FOXK1: variants seen among roughly 807,000 people sequenced by gnomAD.
The protein encoded by FOXK1 is forkhead box K1.
In FOXK1, 19 loss-of-function variants were observed where a neutral mutation model predicts 51.9. That is an observed-to-expected ratio of 0.37 (90% CI 0.26 to 0.54). The LOEUF is 0.54. Ranked by LOEUF, FOXK1 falls within the 20% of genes least tolerant of loss-of-function variation. The probability of loss-of-function intolerance (pLI) is 0.87; values close to 1 mark genes in which losing one functional copy is unlikely to be tolerated. For missense variants in FOXK1, 870 were observed against 1,032.7 expected, an observed-to-expected ratio of 0.84 and a Z score of 2.16; for synonymous variants, 537 against 482.6, an observed-to-expected ratio of 1.11 and a Z score of -1.48.
At chr7:4,701,259 G>A (rs898113299) in intron 1 of FOXK1, among the ~76,000 whole-genome samples, 5 of 152,132 alleles carry the variant, frequency 3.3e-5, no homozygotes, top group Admixed American at 6.6e-5. Flanking sequence ...AGGACGGGGG[G>A]CTAGAAGAGA....
rs1781060122 is a variant in FOXK1 at position 4,769,205 on chromosome 7, G to A, written c.*6741G>A. ...CTTAGTCACTCTTTGCACCTGCCCT[G>A]TCATTCTCGCCATGGGGAAAATGCG... On this transcript the variant is annotated 3_prime_UTR_variant, in exon 9 of 9. Coordinates refer to ENST00000328914, the MANE Select transcript of FOXK1 (RefSeq NM_001037165.2). The surrounding 1 kb of genome is among the most constrained non-coding windows in gnomAD (Gnocchi z 4.1). 6.6e-6 allele frequency: 1 copy of A among 152,176 alleles called. No homozygotes were observed. Among genetic ancestry groups the A allele is most frequent in the Non-Finnish European group, 1.5e-5 (1 of 68,034 alleles). The allele number at this position is 152,176 out of a possible 1,614,324, so 9.4% of individuals were successfully genotyped here.
At chr7:4,732,763 A>G (rs575287783) in intron 1 of FOXK1, among the ~76,000 whole-genome samples, 126 of 152,334 alleles carry the variant, frequency 8.3e-4, no homozygotes, top group South Asian at 1.9e-3. Flanking sequence ...TTGTAGACAC[A>G]CATGGCTTTC....
At chr7:4,717,749 A>G (rs1468004194) in intron 1 of FOXK1, among the ~76,000 whole-genome samples, 1 of 151,816 alleles carries the variant, frequency 6.6e-6, no homozygotes, top group African/African-American at 2.4e-5. Context: ...AGGCGCTTGA[A>G]CCCTGCCTCT....
rs553295611 is a variant in FOXK1, at chr7:4,737,102, A to G, written c.561-3736A>G. 2.6e-5 allele frequency among the ~76,000 whole-genome samples: 4 copies of G among 151,700 alleles called. No homozygotes were observed. The East Asian group carries it at 5.9e-4, about 22-fold the overall frequency. On this transcript the variant is annotated intron_variant, in intron 1 of 8. Coordinates refer to ENST00000328914, the MANE Select transcript of FOXK1 (RefSeq NM_001037165.2). The stretch of plus-strand genomic sequence containing the variant: ...ATGTCTTACGAAAAAACACCTCTTC[A>G]TGTCTTAATATCCAAACCCCGATCT...
chr7:4,705,443 C>A (rs970868141), intron 1 of FOXK1, among the ~76,000 whole-genome samples: 1 of 151,972 alleles, frequency 6.6e-6, no homozygotes, highest in African/African-American at 2.4e-5. Flanking sequence ...TGGCCTCCCG[C>A]AGTGCTGGGA....
rs1301530054 is a variant in FOXK1, at chr7:4,758,312, A to G, written c.1245-739A>G. 1.3e-5 allele frequency: 2 copies of G among 152,272 alleles called. No homozygotes were observed. Among genetic ancestry groups the G allele is most frequent in the Non-Finnish European group, 2.9e-5 (2 of 68,078 alleles). 9.4% of individuals were successfully genotyped at this position (152,272 alleles called of 1,614,324 possible). ...CCCCTGCCCAGCTCAGTCTTGGCCA[A>G]GCCCAGTCTGGAGGAGCATGCACCG... On this transcript the variant is annotated intron_variant, in intron 5 of 8. Coordinates refer to ENST00000328914, the MANE Select transcript of FOXK1 (RefSeq NM_001037165.2). The surrounding 1 kb of genome is among the most constrained non-coding windows in gnomAD (Gnocchi z 4.4).
intron 1 of FOXK1, among the ~76,000 whole-genome samples, chr7:4,713,843 G>C (rs1583191417): frequency 1.3e-5 from 2 of 148,630 alleles, no homozygotes; most frequent in African/African-American, 2.5e-5. Flanking sequence ...TCTTTTTTTG[G>C]AGACAGAGTT....
chr7:4,723,135 G>T lies in FOXK1; in HGVS notation c.561-17703G>T, dbSNP rs751418663. ...CCGTGCTCACTCCAACGCCGTGGCT[G>T]TGAGCGGAGCCAGCTTCAAAGCACT... is the stretch of plus-strand genomic sequence containing the variant. On this transcript the variant is annotated intron_variant, in intron 1 of 8. Coordinates refer to ENST00000328914, the MANE Select transcript of FOXK1 (RefSeq NM_001037165.2). This position sits in a 1 kb window ranked among gnomAD's most constrained non-coding sequence, Gnocchi z 4.7. Among the ~76,000 whole-genome samples, 2 of 151,724 alleles carry T rather than the reference G, an allele frequency of 1.3e-5. No homozygotes were observed. Among genetic ancestry groups the T allele is most frequent in the Admixed American group, 6.6e-5 (1 of 15,190 alleles).
chr7:4,751,289 TG>T (rs1467049287), intron 2 of FOXK1, among the ~76,000 whole-genome samples: 1 of 146,852 alleles, frequency 6.8e-6, no homozygotes, highest in Non-Finnish European at 1.5e-5. Flanking sequence ...CCAAAAGCAT[TG>T]GGATTACCAA....
intron 2 of FOXK1, among the ~76,000 whole-genome samples, chr7:4,744,369 C>T (rs946750557): frequency 6.6e-6 from 1 of 152,144 alleles, no homozygotes. Context: ...GGGTGAACCG[C>T]GTACCCCGTA....
At chr7:4,706,818 G>A (rs1223821016) in intron 1 of FOXK1, among the ~76,000 whole-genome samples, 1 of 152,158 alleles carries the variant, frequency 6.6e-6, no homozygotes, top group Non-Finnish European at 1.5e-5. Flanking sequence ...GAGTTGGGCT[G>A]ACCTTCCTTG....
intron 1 of FOXK1, among the ~76,000 whole-genome samples, chr7:4,686,653 T>C (rs1779822579): frequency 6.6e-6 from 1 of 152,190 alleles, no homozygotes; most frequent in African/African-American, 2.4e-5. Flanking sequence ...GCCGAGAATT[T>C]ATGATGTTTC....
Position 4,723,700 on chromosome 7 carries a change from C to T in FOXK1, c.561-17138C>T, listed in dbSNP as rs1780342890. ...TTTGTTTATTTGAGATAGGGTCTTGCTCTGTCTCCCAGGCTGGAGTGCAGT... is the reference window on the plus strand; with the variant it reads ...TTTGTTTATTTGAGATAGGGTCTTGTTCTGTCTCCCAGGCTGGAGTGCAGT... On this transcript the variant is annotated intron_variant, in intron 1 of 8. Transcript: ENST00000328914. The surrounding 1 kb of genome is among the most constrained non-coding windows in gnomAD (Gnocchi z 4.7). 6.6e-6 allele frequency among the ~76,000 whole-genome samples: 1 copy of T among 152,208 alleles called. No homozygotes were observed. The highest frequency in any genetic ancestry group is 1.5e-5 in the Non-Finnish European group (1 of 68,038).
rs1232557368 is a variant in FOXK1, at chr7:4,756,154, AT to A, written c.1050+772del. Among the ~76,000 whole-genome samples the A allele has an allele frequency of 2.6e-5, 4 of 152,146 alleles. No individual in the cohort carries two copies. The highest frequency in any genetic ancestry group is 9.7e-5 in the African/African-American group (4 of 41,438). On this transcript the variant is annotated intron_variant, in intron 4 of 8. Coordinates refer to ENST00000328914, the MANE Select transcript of FOXK1 (RefSeq NM_001037165.2). The surrounding 1 kb of genome is among the most constrained non-coding windows in gnomAD (Gnocchi z 4.1). ...TTTTGAGACAGGATCTCGCTCTGCC[AT>A]CCCGGCTGGAGTGTGGTGGCGCGAT...
chr7:4,711,676 A>G lies in FOXK1; in HGVS notation c.560+28808A>G, dbSNP rs893046842. Among the ~76,000 whole-genome samples, 2 of 152,106 alleles carry G rather than the reference A, an allele frequency of 1.3e-5. No individual in the cohort carries two copies. Among genetic ancestry groups the G allele is most frequent in the African/African-American group, 4.8e-5 (2 of 41,414 alleles). ...CGTCATACCCTCTCGTATCTGCATCACCCATAAGGGGTGGGCAGTGGTGCT... is the reference window on the plus strand; with the variant it reads ...CGTCATACCCTCTCGTATCTGCATCGCCCATAAGGGGTGGGCAGTGGTGCT... On this transcript the variant is annotated intron_variant, in intron 1 of 8. Coordinates refer to ENST00000328914, the MANE Select transcript of FOXK1 (RefSeq NM_001037165.2). The surrounding 1 kb of genome is among the most constrained non-coding windows in gnomAD (Gnocchi z 6.3).
At position 4,738,246 on chromosome 7, in the gene FOXK1, G is replaced by A. The variant is rs113550222; in HGVS notation, c.561-2592G>A. Among the ~76,000 whole-genome samples, 1,321 of 151,656 alleles carry A rather than the reference G, an allele frequency of 8.7e-3. 21 individuals carry two copies. The highest frequency in any genetic ancestry group is 0.028 in the South Asian group (136 of 4,806). ...GAGGTCAGGAGTTTGAGACCAGCCTGGCCAACATGGTGAAACCCCATCTCT... is the reference window on the plus strand; with the variant it reads ...GAGGTCAGGAGTTTGAGACCAGCCTAGCCAACATGGTGAAACCCCATCTCT... On this transcript the variant is annotated intron_variant, in intron 1 of 8. Transcript: ENST00000328914.
At position 4,761,646 on chromosome 7, in the gene FOXK1, G is replaced by A. The variant is rs771401416; in HGVS notation, c.1921+358G>A. Among the ~76,000 whole-genome samples the A allele has an allele frequency of 2.0e-5, 3 of 152,072 alleles. No homozygotes were observed. Among genetic ancestry groups the A allele is most frequent in the Non-Finnish European group, 2.9e-5 (2 of 68,026 alleles). On this transcript the variant is annotated intron_variant, in intron 8 of 8. Coordinates refer to ENST00000328914, the MANE Select transcript of FOXK1 (RefSeq NM_001037165.2). This position sits in a 1 kb window ranked among gnomAD's most constrained non-coding sequence, Gnocchi z 6.2. ...TGGGAGAGTGAGGCTGTAGTCAGCT[G>A]TGATTGCTCCGCTACCTGCCAGCCT... is the stretch of plus-strand genomic sequence containing the variant.
intron 7 of FOXK1, chr7:4,759,882 T>G: frequency 2.0e-6 from 1 of 512,704 alleles, no homozygotes; most frequent in Non-Finnish European, 3.5e-6. Flanking sequence ...AATACAAAAA[T>G]TAGCCAGGCA....
intron 1 of FOXK1, among the ~76,000 whole-genome samples, chr7:4,716,990 G>A (rs1163276927): frequency 6.7e-6 from 1 of 149,712 alleles, no homozygotes; most frequent in African/African-American, 2.5e-5. Context: ...GGTGGTGGCT[G>A]GGAGGCGCGT....
Sources: allele counts gnomAD v4.1 joint callset (sites outside exome capture counted in the v4.1 genomes callset), GRCh38; gene constraint gnomAD v4.1.1; non-coding constraint Gnocchi (gnomAD v3.1); transcripts MANE v1.5; gene names NCBI Gene and HGNC (gene_info 2026-07-23, HGNC 2026-07-21).